The following TDRP variants were observed in gnomAD, a reference collection of about 807,000 sequenced individuals.
The protein encoded by TDRP is testis development-related protein.
TDRP carries 12 observed loss-of-function variants against 10.5 expected under a neutral mutation model. The observed-to-expected ratio is 1.15, with a 90% CI of 0.73 to 1.86. The LOEUF is 1.86. TDRP is among the 40% of genes most tolerant of loss of function. The pLI is 0.00. For synonymous variants in TDRP, 139 were observed against 95.4 expected (o/e 1.46, Z -2.67); for missense variants, 353 against 229.2 (o/e 1.54, Z -3.49).
intron 1 of TDRP, among the ~76,000 whole-genome samples, chr8:500,092 T>A (rs1801245374): frequency 6.6e-6 from 1 of 152,128 alleles, no homozygotes; most frequent in Non-Finnish European, 1.5e-5. Context: ...ACAGATGAGA[T>A]GTGCCGTAAA....
chr8:504,277 G>C (rs1331515357), intron 1 of TDRP, among the ~76,000 whole-genome samples: 2 of 152,176 alleles, frequency 1.3e-5, no homozygotes, highest in Non-Finnish European at 2.9e-5. Context: ...CCTCAAAAAA[G>C]GCCCCACTGC....
intron 1 of TDRP, among the ~76,000 whole-genome samples, chr8:542,091 C>G (rs537855935): frequency 1.3e-5 from 2 of 152,230 alleles, no homozygotes; most frequent in East Asian, 1.9e-4. Context: ...TAAAAAGAAA[C>G]GAGCTACAAG....
intron 1 of TDRP, among the ~76,000 whole-genome samples, chr8:543,703 T>C (rs1000326122): frequency 2.0e-5 from 3 of 152,098 alleles, no homozygotes; most frequent in Non-Finnish European, 4.4e-5. Context: ...AAAATCTCTA[T>C]CAAGAAGAAA....
At chr8:540,421 G>T (rs1439492380) in intron 1 of TDRP, among the ~76,000 whole-genome samples, 2 of 152,130 alleles carry the variant, frequency 1.3e-5, no homozygotes, top group African/African-American at 2.4e-5. Flanking sequence ...AATGTTTCAT[G>T]GACAGATATA....
chr8:517,423 T>C (rs1371534139), intron 1 of TDRP, among the ~76,000 whole-genome samples: 1 of 152,118 alleles, frequency 6.6e-6, no homozygotes, highest in Non-Finnish European at 1.5e-5. Flanking sequence ...CTAAGAGACA[T>C]TTACCATCTA....
intron 1 of TDRP, among the ~76,000 whole-genome samples, chr8:511,439 G>A (rs1352636600): frequency 1.3e-5 from 2 of 152,088 alleles, no homozygotes; most frequent in Admixed American, 1.3e-4. Context: ...AGACTTACAT[G>A]TACATAGTAA....
At chr8:529,947 C>T (rs1024566433) in intron 1 of TDRP, among the ~76,000 whole-genome samples, 1 of 152,036 alleles carries the variant, frequency 6.6e-6, no homozygotes, top group African/African-American at 2.4e-5. Flanking sequence ...TGTTTTGCAC[C>T]ACTCTTTATT....
chr8:526,145 T>A (rs148419682), intron 1 of TDRP, among the ~76,000 whole-genome samples: 1 of 152,300 alleles, frequency 6.6e-6, no homozygotes, highest in East Asian at 1.9e-4. Flanking sequence ...GCAGTATTTG[T>A]TGTAGCCATG....
intron 1 of TDRP, among the ~76,000 whole-genome samples, chr8:516,416 CAAT>C (rs1366497417): frequency 6.6e-6 from 1 of 152,176 alleles, no homozygotes; most frequent in Non-Finnish European, 1.5e-5. Flanking sequence ...TAAAACCCAA[CAAT>C]AAGAAAACAG....
chr8:542,795 T>C (rs1299716854), intron 1 of TDRP, among the ~76,000 whole-genome samples: 3 of 136,958 alleles, frequency 2.2e-5, no homozygotes, highest in Non-Finnish European at 4.6e-5. Flanking sequence ...CCCGGGAGGG[T>C]GCAGTGAGCT....
At chr8:543,744 C>T (rs1802560485) in intron 1 of TDRP, among the ~76,000 whole-genome samples, 1 of 152,162 alleles carries the variant, frequency 6.6e-6, no homozygotes, top group South Asian at 2.1e-4. Context: ...AACTCTTCTG[C>T]TCAGAAACTA....
chr8:525,590 G>C (rs897207557), intron 1 of TDRP, among the ~76,000 whole-genome samples: 1 of 152,054 alleles, frequency 6.6e-6, no homozygotes, highest in Admixed American at 6.6e-5. Flanking sequence ...GTTTTTGCTC[G>C]TTTTTTAATG....
intron 1 of TDRP, among the ~76,000 whole-genome samples, chr8:541,163 A>G (rs1802485857): frequency 6.6e-6 from 1 of 152,250 alleles, no homozygotes. Flanking sequence ...TAGCTTTGCA[A>G]TAAAGATCAG....
chr8:515,839 G>A (rs909993763), intron 1 of TDRP, among the ~76,000 whole-genome samples: 1 of 151,962 alleles, frequency 6.6e-6, no homozygotes, highest in Admixed American at 6.6e-5. Flanking sequence ...ATTACTTTTA[G>A]ACAATGACTA....
chr8:515,237 T>C (rs1801726738), intron 1 of TDRP, among the ~76,000 whole-genome samples: 1 of 152,194 alleles, frequency 6.6e-6, no homozygotes. Context: ...CTGCTCTATC[T>C]TTTCTATGAC....
chr8:494,604 A>G lies in TDRP; in HGVS notation c.109-7T>C, dbSNP rs1340249900. 3.1e-6 allele frequency: 5 copies of G among 1,611,688 alleles called. No individual in the cohort carries two copies. The highest frequency in any genetic ancestry group is 1.1e-5 in the South Asian group (1 of 90,960). On this transcript the variant is annotated splice_polypyrimidine_tract_variant and splice_region_variant and intron_variant, in intron 1 of 2. Transcript: ENST00000324079. ...GGAAACTTGCTCCCTGAACCTAATAAAAGGTTAAGAAAAATGTCAAATCTG... is the reference window on the plus strand; with the variant it reads ...GGAAACTTGCTCCCTGAACCTAATAGAAGGTTAAGAAAAATGTCAAATCTG...
intron 1 of TDRP, among the ~76,000 whole-genome samples, chr8:523,611 T>G (rs996575575): frequency 1.3e-5 from 2 of 152,168 alleles, no homozygotes; most frequent in Non-Finnish European, 2.9e-5. Context: ...ATTCACGAGC[T>G]GACTAAAGAG....
In TDRP at chr8:492,184, T is replaced by A; in HGVS notation, c.*215A>T. ...ACATGGACTGATAGGTGAATATTTCTGCAATAAGGCAATCAAATGTACAAT... is the reference window on the plus strand; with the variant it reads ...ACATGGACTGATAGGTGAATATTTCAGCAATAAGGCAATCAAATGTACAAT... On this transcript the variant is annotated 3_prime_UTR_variant, in exon 3 of 3. Transcript: ENST00000324079. The A allele has an allele frequency of 7.9e-7, 1 of 1,261,586 alleles. No homozygotes were observed. The highest frequency in any genetic ancestry group is 9.9e-7 in the Non-Finnish European group (1 of 1,006,492). The allele number at this position is 1,261,586 out of a possible 1,614,324, so 78.1% of individuals were successfully genotyped here.
chr8:525,771 C>A (rs1249761091), intron 1 of TDRP, among the ~76,000 whole-genome samples: 1 of 152,108 alleles, frequency 6.6e-6, no homozygotes, highest in Non-Finnish European at 1.5e-5. Flanking sequence ...GAAAAGACCG[C>A]AGAACAACCA....
Sources: allele counts gnomAD v4.1 joint callset (sites outside exome capture counted in the v4.1 genomes callset), GRCh38; gene constraint gnomAD v4.1.1; transcripts MANE v1.5; gene names NCBI Gene and HGNC (gene_info 2026-07-23, HGNC 2026-07-21).